CSMD1: variants seen among roughly 807,000 people sequenced by gnomAD.
CSMD1 encodes CUB and sushi domain-containing protein 1.
CSMD1 carries 213 observed loss-of-function variants against 417.5 expected under a neutral mutation model. That is an observed-to-expected ratio of 0.51 (90% CI 0.46 to 0.57). The LOEUF is 0.57. CSMD1 is among the 20% of genes least tolerant of loss of function. The pLI, the probability that CSMD1 is intolerant of heterozygous loss-of-function variation, is 0.00. For missense variants in CSMD1, 6,923 were observed against 4,529.7 expected, an observed-to-expected ratio of 1.53 and a Z score of -15.17; for synonymous variants, 2,862 against 1,736.8, an observed-to-expected ratio of 1.65 and a Z score of -16.11.
intron 1 of CSMD1, among the ~76,000 whole-genome samples, chr8:4,885,170 T>C (rs1157096853): frequency 1.1e-4 from 16 of 152,140 alleles, no homozygotes; most frequent in Non-Finnish European, 2.4e-4. Context: ...TTGATTTGTC[T>C]ACTTTATCTG....
At chr8:3,372,928 G>A (rs1810064364) in intron 18 of CSMD1, among the ~76,000 whole-genome samples, 1 of 152,148 alleles carries the variant, frequency 6.6e-6, no homozygotes, top group African/African-American at 2.4e-5. Flanking sequence ...AGAGGACGGA[G>A]GAGTCCCGAA....
intron 7 of CSMD1, among the ~76,000 whole-genome samples, chr8:3,706,527 C>T (rs12549821): frequency 0.38 from 58,043 of 152,066 alleles, 11,378 homozygotes; most frequent in East Asian, 0.56. Flanking sequence ...AAGGACAGAA[C>T]GCTAATACCA....
At chr8:4,512,203 T>A (rs1585184975) in intron 2 of CSMD1, among the ~76,000 whole-genome samples, 1 of 152,136 alleles carries the variant, frequency 6.6e-6, no homozygotes, top group Non-Finnish European at 1.5e-5. Flanking sequence ...CATCAACACA[T>A]GCAGAGAAAA....
chr8:4,009,580 A>G (rs948837895), intron 4 of CSMD1, among the ~76,000 whole-genome samples: 10 of 152,224 alleles, frequency 6.6e-5, no homozygotes, highest in Non-Finnish European at 4.4e-5. Flanking sequence ...TTGGATGTGT[A>G]ATTCCAACTC....
At chr8:4,169,082 C>A (rs955417035) in intron 3 of CSMD1, among the ~76,000 whole-genome samples, 1 of 152,186 alleles carries the variant, frequency 6.6e-6, no homozygotes, top group Non-Finnish European at 1.5e-5. Context: ...TACCTGTAAG[C>A]CTGCTGGCTT....
chr8:4,376,446 C>A (rs975138942), intron 3 of CSMD1, among the ~76,000 whole-genome samples: 1 of 152,080 alleles, frequency 6.6e-6, no homozygotes, highest in Non-Finnish European at 1.5e-5. Flanking sequence ...ATATTTTCGG[C>A]TTATTCTGTA....
intron 2 of CSMD1, among the ~76,000 whole-genome samples, chr8:4,579,309 G>A (rs1799297853): frequency 6.7e-6 from 1 of 148,622 alleles, no homozygotes; most frequent in Admixed American, 6.8e-5. Context: ...CTTGCCAATG[G>A]TGAAGTTTAA....
intron 1 of CSMD1, among the ~76,000 whole-genome samples, chr8:4,819,327 A>G (rs1211775821): frequency 6.6e-6 from 1 of 152,182 alleles, no homozygotes; most frequent in African/African-American, 2.4e-5. Flanking sequence ...AACATAGCTC[A>G]TATTCACATA....
intron 1 of CSMD1, among the ~76,000 whole-genome samples, chr8:4,718,377 G>C (rs1019374420): frequency 6.6e-6 from 1 of 152,066 alleles, no homozygotes; most frequent in Non-Finnish European, 1.5e-5. Context: ...ACATAAATTG[G>C]AGTCAACTTA....
intron 37 of CSMD1, among the ~76,000 whole-genome samples, chr8:3,164,000 C>T (rs924104202): frequency 6.6e-6 from 1 of 152,182 alleles, no homozygotes; most frequent in African/African-American, 2.4e-5. Flanking sequence ...ATGATGGAGC[C>T]TGTAAGAGAT....
intron 1 of CSMD1, among the ~76,000 whole-genome samples, chr8:4,725,248 G>A (rs76194695): frequency 0.02 from 3,011 of 152,204 alleles, 84 homozygotes; most frequent in African/African-American, 0.061. Context: ...CACGAGCAAA[G>A]TATCGAACTT....
intron 26 of CSMD1, among the ~76,000 whole-genome samples, chr8:3,248,587 T>G (rs866033971): frequency 6.6e-5 from 9 of 136,360 alleles, no homozygotes; most frequent in South Asian, 5.0e-4. Context: ...TGGAGTACAG[T>G]GGCGCGATCT....
chr8:3,953,663 G>T (rs1162415106), intron 5 of CSMD1, among the ~76,000 whole-genome samples: 1 of 152,106 alleles, frequency 6.6e-6, no homozygotes, highest in East Asian at 1.9e-4. Flanking sequence ...CTGGGACTGG[G>T]AGCCTGGGGA....
chr8:4,062,432 T>C (rs1799024519), intron 3 of CSMD1, among the ~76,000 whole-genome samples: 1 of 152,146 alleles, frequency 6.6e-6, no homozygotes, highest in Non-Finnish European at 1.5e-5. Flanking sequence ...CTAGAAATTT[T>C]CTAAGAATCT....
At chr8:3,319,247 G>C (rs1805984686) in intron 23 of CSMD1, among the ~76,000 whole-genome samples, 2 of 152,242 alleles carry the variant, frequency 1.3e-5, no homozygotes, top group South Asian at 4.1e-4. Flanking sequence ...AAAATATCTT[G>C]ACTATCCCGA....
chr8:4,413,773 G>C (rs182503305), intron 3 of CSMD1, among the ~76,000 whole-genome samples: 3 of 152,072 alleles, frequency 2.0e-5, no homozygotes, highest in African/African-American at 7.2e-5. Context: ...GGACAAACGA[G>C]AGATTTCGGT....
intron 16 of CSMD1, among the ~76,000 whole-genome samples, chr8:3,398,820 T>C (rs1212589119): frequency 2.0e-5 from 3 of 152,174 alleles, no homozygotes; most frequent in African/African-American, 4.8e-5. Flanking sequence ...AATAAACAAA[T>C]ACCTACGCAG....
intron 10 of CSMD1, among the ~76,000 whole-genome samples, chr8:3,545,883 T>G (rs1479086983): frequency 6.6e-6 from 1 of 152,174 alleles, no homozygotes; most frequent in Non-Finnish European, 1.5e-5. Flanking sequence ...GCAAACTTAG[T>G]GATGTAGCAA....
At chr8:3,699,386 C>T (rs1387640097) in intron 7 of CSMD1, among the ~76,000 whole-genome samples, 2 of 152,172 alleles carry the variant, frequency 1.3e-5, no homozygotes, top group South Asian at 2.1e-4. Context: ...TTTCTCCATA[C>T]AACACATAAC....
Sources: allele counts gnomAD v4.1 joint callset (sites outside exome capture counted in the v4.1 genomes callset), GRCh38; gene constraint gnomAD v4.1.1; transcripts MANE v1.5; gene names NCBI Gene and HGNC (gene_info 2026-07-23, HGNC 2026-07-21).